Variants in HSPH1 observed in about 807,000 individuals in gnomAD.
HSPH1 encodes the protein heat shock protein 105 kDa.
A neutral mutation model predicts 100.0 loss-of-function variants in HSPH1; 40 were observed. The observed-to-expected ratio is 0.40, with a 90% CI of 0.31 to 0.52. The LOEUF (loss-of-function observed/expected upper bound fraction) is 0.52. Ranked by LOEUF, HSPH1 falls within the 20% of genes least tolerant of loss-of-function variation. The probability of loss-of-function intolerance (pLI) is 0.54; values close to 1 mark genes in which losing one functional copy is unlikely to be tolerated. For missense variants in HSPH1, 876 were observed against 1,015.1 expected, an observed-to-expected ratio of 0.86 and a Z score of 1.86; for synonymous variants, 403 against 344.0, an observed-to-expected ratio of 1.17 and a Z score of -1.90.
Position 31,154,738 on chromosome 13 carries a change from T to C in HSPH1, c.324A>G (p.Glu108=), listed in dbSNP as rs778320866. Residue 108 remains glutamate (E), a synonymous_variant, in exon 4 of 18, where the codon GAA becomes GAG. Transcript: ENST00000320027. ...TCTGCTCCACACTAAATAGATGTTCTTCACCCATGTACATTACCTATATTG... is the reference window on the plus strand; with the variant it reads ...TCTGCTCCACACTAAATAGATGTTCCTCACCCATGTACATTACCTATATTG... The part of the protein sequence containing the change: ...GVGIKVMYMG[E]EHLFSVEQIT... 4.3e-6 allele frequency: 7 copies of C among 1,613,632 alleles called. No individual in the cohort carries two copies. Among genetic ancestry groups the C allele is most frequent in the Non-Finnish European group, 5.9e-6 (7 of 1,179,628 alleles).
At chr13:31,149,794 T>C (rs1462332987) in intron 8 of HSPH1, among the ~76,000 whole-genome samples, 160 bp downstream of exon 8, 1 of 152,184 alleles carries the variant, frequency 6.6e-6, no homozygotes, top group Non-Finnish European at 1.5e-5. Context: ...CTGGATCTTT[T>C]AGATTTGAGT....
At chr13:31,152,816 A>T in intron 5 of HSPH1, 36 bp downstream of exon 5, 1 of 1,297,338 alleles carries the variant, frequency 7.7e-7, no homozygotes, top group Non-Finnish European at 1.1e-6. Context: ...TAGTTCTGAT[A>T]GTATATTCAC....
In HSPH1 at chr13:31,155,626, G is replaced by A; in HGVS notation, c.194C>T (p.Ser65Phe). 2 of 1,610,868 alleles carry A rather than the reference G, an allele frequency of 1.2e-6. No individual in the cohort carries two copies. Among genetic ancestry groups the A allele is most frequent in the Non-Finnish European group, 1.7e-6 (2 of 1,178,558 alleles). ...TCGGCCATGAAATCTTTTGAAGTTA[G>A]ACACCGTATTGTTTGCATGAGTGAT... ...QQITHANNTV[S>F]NFKRFHGRAF... Residue 65 changes from serine to phenylalanine, a missense_variant, in exon 3 of 18, where the codon TCT becomes TTT. Coordinates refer to ENST00000320027, the MANE Select transcript of HSPH1 (RefSeq NM_006644.4).
intron 2 of HSPH1, 73 bp downstream of exon 2, chr13:31,158,733 A>C (rs1006039855): frequency 2.1e-6 from 2 of 934,702 alleles, no homozygotes; most frequent in African/African-American, 1.6e-5. Flanking sequence ...TTACCCTCTT[A>C]TATGTCTCTT....
At chr13:31,147,067 T>A (rs1339391556) in intron 10 of HSPH1, among the ~76,000 whole-genome samples, 1 of 152,162 alleles carries the variant, frequency 6.6e-6, no homozygotes, top group Non-Finnish European at 1.5e-5. Flanking sequence ...GAAAGTGGGA[T>A]GTAAGATGGC....
At chr13:31,156,563 T>TAAAAA (rs1158814362) in intron 2 of HSPH1, among the ~76,000 whole-genome samples, 1 of 72,740 alleles carries the variant, frequency 1.4e-5, no homozygotes, top group African/African-American at 5.8e-5. Context: ...AAACTCATTC[T>TAAAAA]CAAAAAAAAA....
intron 14 of HSPH1, among the ~76,000 whole-genome samples, chr13:31,139,410 G>A (rs1416342319): frequency 2.6e-5 from 4 of 152,030 alleles, no homozygotes; most frequent in African/African-American, 9.7e-5. Flanking sequence ...TGCTGAAGGG[G>A]AAGCTATACA....
intron 13 of HSPH1, 79 bp from the exon 14 acceptor site, chr13:31,140,388 T>C: frequency 1.5e-6 from 2 of 1,377,110 alleles, no homozygotes; most frequent in Non-Finnish European, 2.0e-6. Flanking sequence ...CTCTGGGGTT[T>C]AAAAAAAATG....
chr13:31,147,655 C>T (rs1956315171), intron 10 of HSPH1, among the ~76,000 whole-genome samples: 1 of 152,016 alleles, frequency 6.6e-6, no homozygotes, highest in Admixed American at 6.6e-5. Context: ...CCTTTATATA[C>T]AGACTGTATC....
At chr13:31,156,282 C>G (rs561309300) in intron 2 of HSPH1, among the ~76,000 whole-genome samples, 3 of 151,980 alleles carry the variant, frequency 2.0e-5, no homozygotes, top group African/African-American at 7.2e-5. Flanking sequence ...CCCAGCTACT[C>G]GGGAGGCTGA....
chr13:31,147,356 T>C (rs1362019206), intron 10 of HSPH1, among the ~76,000 whole-genome samples: 2 of 152,108 alleles, frequency 1.3e-5, no homozygotes, highest in East Asian at 1.9e-4. Context: ...AAACAATTTA[T>C]TTATGAAAAG....
At position 31,154,757 on chromosome 13, in the gene HSPH1, T is replaced by C; in HGVS notation, c.307-2A>G. On this transcript the variant is annotated splice_acceptor_variant, in intron 3 of 17. Transcript: ENST00000320027. LOFTEE classifies it high-confidence loss of function. The stretch of plus-strand genomic sequence containing the variant: ...ATGTTCTTCACCCATGTACATTACC[T>C]ATATTGAAGGGAAAAAATGTTTTAA... 1 of 1,610,700 alleles carries C rather than the reference T, an allele frequency of 6.2e-7. No individual in the cohort carries two copies. The highest frequency in any genetic ancestry group is 8.5e-7 in the Non-Finnish European group (1 of 1,177,818).
At chr13:31,145,324 C>G (rs1372312667) in intron 11 of HSPH1, among the ~76,000 whole-genome samples, 1 of 152,142 alleles carries the variant, frequency 6.6e-6, no homozygotes, top group Non-Finnish European at 1.5e-5. Flanking sequence ...AATAAAACAT[C>G]ATCTACTCTG....
chr13:31,156,491 G>A (rs960007117), intron 2 of HSPH1, among the ~76,000 whole-genome samples: 15 of 151,860 alleles, frequency 9.9e-5, no homozygotes, highest in Non-Finnish European at 1.5e-4. Context: ...TGGAACCTGG[G>A]AGGCAGAAGT....
At chr13:31,141,749 A>C (rs1049156403) in intron 12 of HSPH1, among the ~76,000 whole-genome samples, 4 of 151,856 alleles carry the variant, frequency 2.6e-5, no homozygotes, top group Admixed American at 2.6e-4. Context: ...GTGCCTTTTA[A>C]AATTTCCTTA....
intron 1 of HSPH1, among the ~76,000 whole-genome samples, chr13:31,161,113 G>A (rs1200270186): frequency 6.6e-6 from 1 of 152,236 alleles, no homozygotes; most frequent in Non-Finnish European, 1.5e-5. Flanking sequence ...GGCCGCGGAA[G>A]GCGCAGGCTG....
At position 31,137,501 on chromosome 13, in the gene HSPH1, G is replaced by C; in HGVS notation, c.2394C>G (p.Pro798=). 6.2e-7 allele frequency: 1 copy of C among 1,612,952 alleles called. No homozygotes were observed. The highest frequency in any genetic ancestry group is 8.5e-7 in the Non-Finnish European group (1 of 1,179,394). ...KIKELNNTCE[P]VVTQPKPKIE... is the part of the protein sequence containing the mutation. ...TTTTTGGTTTCGGTTGTGTTACAAC[G>C]GGTTCACATGTGTTGTTCAATTCCT... Residue 798 remains proline, a synonymous_variant, in exon 18 of 18, where the codon CCC becomes CCG. Coordinates refer to ENST00000320027, the MANE Select transcript of HSPH1 (RefSeq NM_006644.4).
In HSPH1 at chr13:31,150,001, T is replaced by C; in HGVS notation, c.1090A>G (p.Thr364Ala). 6.2e-7 allele frequency: 1 copy of C among 1,613,844 alleles called. No homozygotes were observed. Among genetic ancestry groups the C allele is most frequent in the Non-Finnish European group, 8.5e-7 (1 of 1,179,810 alleles). The change falls in exon 8 of 18, where the codon ACA (threonine) becomes GCA (alanine). Residue 364 changes from threonine to alanine, a missense_variant. By Grantham distance (58) the Thr-to-Ala change is moderately conservative. Transcript: ENST00000320027. ...ACTGCTTCATCTGCATTGAGTGTTG[T>C]GCTAATATCTTTTCCAAAGAATTTG... ...IAKFFGKDIS[T>A]TLNADEAVAR...
intron 10 of HSPH1, among the ~76,000 whole-genome samples, chr13:31,147,519 A>G (rs891727798): frequency 8.5e-5 from 13 of 152,116 alleles, no homozygotes; most frequent in Admixed American, 3.9e-4. Flanking sequence ...TTTAGAAAAG[A>G]TAACACAAAG....
Sources: gnomAD v4.1 joint callset for allele counts (sites outside exome capture counted in the v4.1 genomes callset) on GRCh38, gnomAD v4.1.1 for gene constraint, MANE v1.5 for transcripts, NCBI Gene and HGNC (gene_info 2026-07-23, HGNC 2026-07-21) for gene names.